GLIS3: variants seen among roughly 807,000 people sequenced by gnomAD.
GLIS3 encodes the protein zinc finger protein GLIS3.
Under a neutral mutation model 78.6 loss-of-function variants are expected in GLIS3, and 53 were observed. The ratio of observed to expected loss-of-function variants is 0.67; its 90% CI spans 0.54 to 0.85. The LOEUF (loss-of-function observed/expected upper bound fraction) is 0.85, where lower values mean the gene tolerates loss of function less well. Among genes scored for constraint, GLIS3 ranks in the 40% least tolerant of loss-of-function variants. GLIS3 has a pLI of 0.00. For synonymous variants in GLIS3, 684 were observed against 509.9 expected (o/e 1.34, Z -4.60); for missense variants, 1,703 against 1,231.1 (o/e 1.38, Z -5.74).
chr9:4,097,869 C>G (rs141919168), intron 4 of GLIS3, among the ~76,000 whole-genome samples: 47 of 152,240 alleles, frequency 3.1e-4, no homozygotes, highest in African/African-American at 1.1e-3. Flanking sequence ...CACAAAAAAA[C>G]CCCACAAAAC....
intron 4 of GLIS3, among the ~76,000 whole-genome samples, chr9:4,113,878 T>G (rs919538431): frequency 8.5e-5 from 13 of 152,230 alleles, no homozygotes; most frequent in African/African-American, 3.1e-4. Flanking sequence ...GAGAAATGAG[T>G]CAATTCATAC....
At chr9:3,999,957 A>G (rs534312133) in intron 4 of GLIS3, among the ~76,000 whole-genome samples, 1 of 152,292 alleles carries the variant, frequency 6.6e-6, no homozygotes, top group Non-Finnish European at 1.5e-5. Flanking sequence ...TTAATATACG[A>G]AAAAGGTATA....
At chr9:4,130,482 C>T (rs1832893688) in intron 2 of GLIS3, among the ~76,000 whole-genome samples, 6 of 152,256 alleles carry the variant, frequency 3.9e-5, no homozygotes, top group Admixed American at 3.9e-4. Context: ...CCTCCAAACA[C>T]TGCTCCCTGC....
chr9:4,394,578 A>G, the GLIS3 span, among the ~76,000 whole-genome samples: 1 of 152,184 alleles, frequency 6.6e-6, no homozygotes, highest in Non-Finnish European at 1.5e-5. Context: ...TTTACCTGTA[A>G]GTCAGGTTAA....
chr9:4,242,219 G>T (rs781538158), intron 2 of GLIS3, among the ~76,000 whole-genome samples: 1 of 151,888 alleles, frequency 6.6e-6, no homozygotes, highest in African/African-American at 2.4e-5. Flanking sequence ...TTGGATAAAC[G>T]CTACCATTTA....
intron 4 of GLIS3, among the ~76,000 whole-genome samples, chr9:3,941,083 C>T (rs1210300282): frequency 6.6e-6 from 1 of 152,196 alleles, no homozygotes; most frequent in Non-Finnish European, 1.5e-5. Context: ...CCATAAGATT[C>T]TGATATTCTG....
In GLIS3 at chr9:3,907,602, C is replaced by CA. The variant is rs1554644529; in HGVS notation, c.1984-8768_1984-8767insT. 8.6e-4 allele frequency among the ~76,000 whole-genome samples: 70 copies of CA among 81,538 alleles called. No individual in the cohort carries two copies. In the Admixed American group the frequency reaches 9.4e-3, roughly 11 times the overall value. The allele number at this position is 81,538 out of a possible 152,430, so 53.5% of individuals were successfully genotyped here. Reference sequence around the variant, plus strand: ...GCCAATGGCTAGCATCCTCCACCCCCCAAACACACACACACACACACAGAC... The same window carrying CA: ...GCCAATGGCTAGCATCCTCCACCCCCACAAACACACACACACACACACAGAC... On this transcript the variant is annotated intron_variant, in intron 6 of 10. Transcript: ENST00000381971.
At chr9:4,278,201 A>C (rs557164738) in intron 2 of GLIS3, among the ~76,000 whole-genome samples, 1 of 152,326 alleles carries the variant, frequency 6.6e-6, no homozygotes, top group East Asian at 1.9e-4. Flanking sequence ...ATTGGAACTC[A>C]CTATCTTTCT....
the GLIS3 span, among the ~76,000 whole-genome samples, chr9:4,421,757 A>G: frequency 6.6e-6 from 1 of 152,228 alleles, no homozygotes; most frequent in East Asian, 1.9e-4. Flanking sequence ...ATTCACAAAT[A>G]TGTAAAGAGT....
chr9:4,420,122 T>C, the GLIS3 span, among the ~76,000 whole-genome samples: 1 of 151,910 alleles, frequency 6.6e-6, no homozygotes, highest in South Asian at 2.1e-4. Context: ...GCATGTGTGG[T>C]TCAAAAAAAC....
chr9:4,117,798 G>A lies in GLIS3; in HGVS notation c.1680C>T (p.Val560=). Reference sequence around the variant, plus strand: ...ACTTGTTGGGCTTCTCCCCAGAGTGGACTCTCATGTGGATCAGCAGTTTAT... The same window carrying A: ...ACTTGTTGGGCTTCTCCCCAGAGTGAACTCTCATGTGGATCAGCAGTTTAT... ...ARYKLLIHMR[V]HSGEKPNKCT... is the part of the protein sequence containing the mutation. The change falls in exon 4 of 11, where the codon GTC becomes GTT. Residue 560 remains valine, a synonymous_variant. Coordinates refer to ENST00000381971, the MANE Select transcript of GLIS3 (RefSeq NM_001042413.2). 3.7e-6 allele frequency: 6 copies of A among 1,614,162 alleles called. No homozygotes were observed. The highest frequency in any genetic ancestry group is 4.2e-6 in the Non-Finnish European group (5 of 1,180,046).
intron 2 of GLIS3, among the ~76,000 whole-genome samples, chr9:4,131,510 G>A (rs74790680): frequency 0.031 from 4,740 of 152,158 alleles, 251 homozygotes; most frequent in African/African-American, 0.11. Context: ...TGCTATTCTC[G>A]TGTTAGAGTT....
chr9:4,127,463 A>C (rs1022065149), intron 2 of GLIS3, among the ~76,000 whole-genome samples: 7 of 152,160 alleles, frequency 4.6e-5, no homozygotes, highest in Non-Finnish European at 7.3e-5. Context: ...TTGTGCCTTA[A>C]AAGATCAGTT....
chr9:4,154,225 C>CAAAT (rs1213856693), intron 2 of GLIS3, among the ~76,000 whole-genome samples: 1 of 152,090 alleles, frequency 6.6e-6, no homozygotes. Context: ...GGAACCCATG[C>CAAAT]AAATTCAAGG....
chr9:4,362,952 G>T, the GLIS3 span, among the ~76,000 whole-genome samples: 1 of 152,116 alleles, frequency 6.6e-6, no homozygotes, highest in Non-Finnish European at 1.5e-5. Flanking sequence ...AGGGAGAAAT[G>T]CTGGCAATCA....
intron 2 of GLIS3, among the ~76,000 whole-genome samples, chr9:4,205,852 T>G (rs531733779): frequency 1.7e-4 from 26 of 152,308 alleles, no homozygotes; most frequent in African/African-American, 5.5e-4. Flanking sequence ...GGTAGACATA[T>G]TAAATATGGA....
intron 4 of GLIS3, chr9:4,036,106 A>C (rs1248161770): frequency 2.0e-5 from 3 of 152,232 alleles, no homozygotes; most frequent in Non-Finnish European, 4.4e-5. Flanking sequence ...TGCTTTTCAC[A>C]GGGAATTACC....
rs1486200193 is a variant in GLIS3 at position 4,191,775 on chromosome 9, C to G, written c.389-65834G>C. Among the ~76,000 whole-genome samples, 4 of 152,138 alleles carry G rather than the reference C, an allele frequency of 2.6e-5. No individual in the cohort carries two copies. In the East Asian group the frequency reaches 7.7e-4, roughly 29 times the overall value. On this transcript the variant is annotated intron_variant, in intron 2 of 10. Coordinates refer to ENST00000381971, the MANE Select transcript of GLIS3 (RefSeq NM_001042413.2). ...GAACGTGGTTTAATCATTGGCTCTA[C>G]TGGTACCTACCTGTTCCTGTACCAA...
chr9:4,373,238 G>C, the GLIS3 span, among the ~76,000 whole-genome samples: 1 of 152,162 alleles, frequency 6.6e-6, no homozygotes, highest in African/African-American at 2.4e-5. Flanking sequence ...CACTGATCAC[G>C]CATGCATTAA....
Sources: gnomAD v4.1 joint callset for allele counts (sites outside exome capture counted in the v4.1 genomes callset) on GRCh38, gnomAD v4.1.1 for gene constraint, MANE v1.5 for transcripts, NCBI Gene and HGNC (gene_info 2026-07-23, HGNC 2026-07-21) for gene names.